SLC2A13: variants seen among roughly 807,000 people sequenced by gnomAD.
The protein encoded by SLC2A13 is solute carrier family 2 member 13.
A neutral mutation model predicts 64.4 loss-of-function variants in SLC2A13; 32 were observed. The observed-to-expected ratio is 0.50, with a 90% CI of 0.37 to 0.67. The LOEUF is 0.67. SLC2A13 is among the 30% of genes least tolerant of loss of function. The pLI is 0.00. For synonymous variants in SLC2A13, 338 were observed against 327.1 expected, an observed-to-expected ratio of 1.03 and a Z score of -0.36; for missense variants, 743 against 829.2, an observed-to-expected ratio of 0.90 and a Z score of 1.28.
intron 4 of SLC2A13, among the ~76,000 whole-genome samples, chr12:39,941,487 G>T (rs759205734): frequency 8.5e-5 from 13 of 152,076 alleles, no homozygotes; most frequent in Non-Finnish European, 1.9e-4. Context: ...AGGTGGTATT[G>T]CATTGTGGTT....
intron 1 of SLC2A13, among the ~76,000 whole-genome samples, chr12:40,092,633 C>A (rs917110035): frequency 6.6e-6 from 1 of 152,164 alleles, no homozygotes; most frequent in African/African-American, 2.4e-5. Flanking sequence ...TGGCCCAATA[C>A]AGATGCTCAA....
intron 2 of SLC2A13, among the ~76,000 whole-genome samples, chr12:40,046,962 T>C (rs921477035): frequency 2.6e-5 from 4 of 151,636 alleles, no homozygotes; most frequent in Non-Finnish European, 4.4e-5. Context: ...AGTGCAGTGG[T>C]ACACTCTCAG....
chr12:39,860,519 T>C (rs1179600453), intron 6 of SLC2A13, among the ~76,000 whole-genome samples: 2 of 152,190 alleles, frequency 1.3e-5, no homozygotes, highest in Non-Finnish European at 2.9e-5. Context: ...GGGCCAGTTT[T>C]CCCAAATACC....
At position 39,764,524 on chromosome 12, in the gene SLC2A13, G is replaced by A; in HGVS notation, c.1656C>T (p.Asn552=). ...STGNACSSGI[N]WIFNVLVSLT... ...GTGAAACCAGGACATTGAAAATCCA[G>A]TTTATTCCAGATGAACATGCATTTC... is the stretch of plus-strand genomic sequence containing the variant. Residue 552 remains asparagine (N), a synonymous_variant, in exon 9 of 10, where the codon AAC becomes AAT. Transcript: ENST00000280871. 6.2e-7 allele frequency: 1 copy of A among 1,612,144 alleles called. No homozygotes were observed. Among genetic ancestry groups the A allele is most frequent in the Non-Finnish European group, 8.5e-7 (1 of 1,179,226 alleles).
intron 7 of SLC2A13, chr12:39,829,260 C>A (rs923542894): frequency 2.6e-5 from 4 of 151,742 alleles, no homozygotes; most frequent in African/African-American, 9.7e-5. Context: ...AGGTTTCTAG[C>A]CTCCCAAGCC....
At chr12:39,760,274 A>T in intron 9 of SLC2A13, 22 bp from the exon 10 acceptor site, 1 of 1,580,138 alleles carries the variant, frequency 6.3e-7, no homozygotes. Flanking sequence ...TATAATAGAT[A>T]CATGAATATG....
chr12:39,902,938 C>A (rs956066), intron 4 of SLC2A13, among the ~76,000 whole-genome samples: 1 of 151,784 alleles, frequency 6.6e-6, no homozygotes, highest in African/African-American at 2.4e-5. Flanking sequence ...GAGTTGCACA[C>A]AAACTGTTGA....
At chr12:40,025,073 C>T (rs1431104818) in intron 3 of SLC2A13, among the ~76,000 whole-genome samples, 1 of 152,178 alleles carries the variant, frequency 6.6e-6, no homozygotes, top group African/African-American at 2.4e-5. Context: ...CTTCTTTTCC[C>T]ATACTGCCTT....
chr12:40,043,041 C>T (rs10747989), intron 2 of SLC2A13, among the ~76,000 whole-genome samples: 1 of 150,202 alleles, frequency 6.7e-6, no homozygotes, highest in African/African-American at 2.5e-5. Flanking sequence ...AAAGTGGAGT[C>T]GGGGGCAACA....
At chr12:39,891,883 A>T (rs116456919) in intron 4 of SLC2A13, among the ~76,000 whole-genome samples, 1 of 152,190 alleles carries the variant, frequency 6.6e-6, no homozygotes, top group Non-Finnish European at 1.5e-5. Flanking sequence ...TGGTTTGATC[A>T]TTATTATTAG....
chr12:39,957,225 C>T (rs1946330752), intron 3 of SLC2A13, among the ~76,000 whole-genome samples: 1 of 152,162 alleles, frequency 6.6e-6, no homozygotes, highest in Non-Finnish European at 1.5e-5. Context: ...AAACTAAACA[C>T]AGAAGGATTA....
chr12:39,860,794 T>C (rs796203324), intron 6 of SLC2A13, among the ~76,000 whole-genome samples: 6 of 152,294 alleles, frequency 3.9e-5, no homozygotes, highest in African/African-American at 1.4e-4. Flanking sequence ...GTCACCACCA[T>C]AATCCAGGCA....
At chr12:39,962,741 A>C (rs532403884) in intron 3 of SLC2A13, among the ~76,000 whole-genome samples, 1 of 152,322 alleles carries the variant, frequency 6.6e-6, no homozygotes, top group East Asian at 1.9e-4. Context: ...TCTGCTAAAG[A>C]CTATACAACC....
chr12:40,048,015 G>A (rs1485602720), intron 2 of SLC2A13, 36 bp downstream of exon 2: 2 of 1,547,774 alleles, frequency 1.3e-6, no homozygotes, highest in East Asian at 4.6e-5. Flanking sequence ...CCAAAATCAA[G>A]ATTTGAAAAA....
chr12:39,942,599 C>T (rs1263775258), intron 4 of SLC2A13, among the ~76,000 whole-genome samples: 1 of 152,158 alleles, frequency 6.6e-6, no homozygotes, highest in African/African-American at 2.4e-5. Flanking sequence ...TATCAGTTCT[C>T]AGAGCTTTCT....
At chr12:40,077,189 C>A (rs1308652535) in intron 1 of SLC2A13, among the ~76,000 whole-genome samples, 1 of 151,960 alleles carries the variant, frequency 6.6e-6, no homozygotes, top group East Asian at 1.9e-4. Context: ...ATTTTTGTTG[C>A]AATTGCTTTT....
intron 1 of SLC2A13, among the ~76,000 whole-genome samples, chr12:40,096,415 T>C (rs1592080536): frequency 2.0e-5 from 3 of 151,962 alleles, no homozygotes; most frequent in Admixed American, 1.3e-4. Flanking sequence ...AAATTTACCA[T>C]AATATTTTTC....
chr12:39,774,584 CTTT>C (rs11322999), intron 7 of SLC2A13, among the ~76,000 whole-genome samples: 24 of 130,212 alleles, frequency 1.8e-4, no homozygotes, highest in Non-Finnish European at 2.5e-4. Context: ...ATTGTCCAGC[CTTT>C]TTTTTTTTTT....
chr12:39,774,123 T>C (rs1940685179), intron 7 of SLC2A13, among the ~76,000 whole-genome samples: 2 of 152,212 alleles, frequency 1.3e-5, no homozygotes, highest in African/African-American at 4.8e-5. Context: ...AAATTTATGA[T>C]ATAATTACAC....
Sources: gnomAD v4.1 joint callset for allele counts (sites outside exome capture counted in the v4.1 genomes callset) on GRCh38, gnomAD v4.1.1 for gene constraint, MANE v1.5 for transcripts, NCBI Gene and HGNC (gene_info 2026-07-23, HGNC 2026-07-21) for gene names.